Variants in POLR2F observed in about 807,000 individuals in gnomAD.
The protein encoded by POLR2F is RNA polymerase II, I and III subunit F.
A neutral mutation model predicts 22.7 loss-of-function variants in POLR2F; 12 were observed. That is an observed-to-expected ratio of 0.53 (90% CI 0.34 to 0.86). The LOEUF (loss-of-function observed/expected upper bound fraction) is 0.86, where lower values mean the gene tolerates loss of function less well. Among genes scored for constraint, POLR2F ranks in the 40% least tolerant of loss-of-function variants. The pLI is 0.02. For synonymous variants in POLR2F, 57 were observed against 66.0 expected (o/e 0.86, Z 0.66); for missense variants, 126 against 171.5 (o/e 0.73, Z 1.48).
At chr22:37,967,473 T>G (rs982526259) in intron 4 of POLR2F, 152 bp from the exon 5 acceptor site, 2 of 1,444,414 alleles carry the variant, frequency 1.4e-6, no homozygotes, top group African/African-American at 2.9e-5. Context: ...TTTCTTTTTC[T>G]TGTAATTGCT....
chr22:37,987,098 C>T, intron 1 of POLR2F: 1 of 456,722 alleles, frequency 2.2e-6, no homozygotes, highest in Non-Finnish European at 4.4e-6. Context: ...GAGGGTTTGT[C>T]ACCGTCCATG....
At chr22:38,041,219 C>T (rs907607811), downstream of POLR2F, 17 of 1,494,528 alleles carry the variant, frequency 1.1e-5, no homozygotes, top group African/African-American at 8.3e-5. Context: ...TGTGAGGACA[C>T]GGTCTAGACT....
intron 1 of POLR2F, chr22:38,025,485 C>CACATTCACACTCACAGTCCCA: frequency 1.4e-6 from 2 of 1,405,924 alleles, no homozygotes; most frequent in Non-Finnish European, 1.9e-6. Flanking sequence ...ATCACAAACA[C>CACATTCACACTCACAGTCCCA]ACATTCACAC....
chr22:38,012,670 C>T (rs2084881559), intron 1 of POLR2F, among the ~76,000 whole-genome samples: 1 of 152,170 alleles, frequency 6.6e-6, no homozygotes, highest in Non-Finnish European at 1.5e-5. Flanking sequence ...CCCAGGTCTC[C>T]CCCTAACTGT....
At position 37,978,958 on chromosome 22, in the gene POLR2F, G is replaced by C. The variant is rs1337951557; in HGVS notation, c.293+11788G>C. On this transcript the variant is annotated intron_variant, in intron 4 of 4. Transcript: ENST00000405557. This position sits in a 1 kb window ranked among gnomAD's most constrained non-coding sequence, Gnocchi z 5.0. ...CGCCCGGTTAATTTTTGTATTTTTAGTAGAGATGGGGTTTCACCATGTTGA... is the reference window on the plus strand; with the variant it reads ...CGCCCGGTTAATTTTTGTATTTTTACTAGAGATGGGGTTTCACCATGTTGA... 6.6e-6 allele frequency among the ~76,000 whole-genome samples: 1 copy of C among 152,110 alleles called. No homozygotes were observed. The highest frequency in any genetic ancestry group is 1.5e-5 in the Non-Finnish European group (1 of 68,026).
downstream of POLR2F, among the ~76,000 whole-genome samples, chr22:37,972,059 G>A (rs1466752862): frequency 6.9e-6 from 1 of 144,028 alleles, no homozygotes; most frequent in Non-Finnish European, 1.5e-5. Context: ...GAGAGTGGGA[G>A]GGGGGAGAGA....
intron 1 of POLR2F, among the ~76,000 whole-genome samples, chr22:38,002,612 G>A (rs1375014201): frequency 6.6e-6 from 1 of 152,150 alleles, no homozygotes; most frequent in Non-Finnish European, 1.5e-5. Flanking sequence ...GCTCAGCAAA[G>A]TCAGCTGTGT....
At chr22:37,991,806 C>T (rs1166955072) in intron 1 of POLR2F, among the ~76,000 whole-genome samples, 1 of 152,184 alleles carries the variant, frequency 6.6e-6, no homozygotes, top group Non-Finnish European at 1.5e-5. Flanking sequence ...GGCACTGACC[C>T]CCAGTTCCCT....
Position 37,974,324 on chromosome 22 carries a change from C to A in POLR2F, c.293+7154C>A. ...GCCTCTGGGAAAACCTTGTAAGTTTCACATTTTGGCAGCATGAGTCGGGTT... is the reference window on the plus strand; with the variant it reads ...GCCTCTGGGAAAACCTTGTAAGTTTAACATTTTGGCAGCATGAGTCGGGTT... On this transcript the variant is annotated intron_variant, in intron 4 of 4. Transcript: ENST00000405557. The surrounding 1 kb of genome is among the most constrained non-coding windows in gnomAD (Gnocchi z 5.4). 1 of 686,106 alleles carries A rather than the reference C, an allele frequency of 1.5e-6. No homozygotes were observed. Among genetic ancestry groups the A allele is most frequent in the Non-Finnish European group, 2.5e-6 (1 of 405,236 alleles). 42.5% of individuals were successfully genotyped at this position (686,106 alleles called of 1,614,324 possible).
At chr22:37,979,201 G>A (rs556440794) in intron 4 of POLR2F, among the ~76,000 whole-genome samples, 5 of 152,076 alleles carry the variant, frequency 3.3e-5, no homozygotes, top group Admixed American at 1.3e-4. Context: ...GAGTTCAAGC[G>A]ATTCTCCTGC....
At chr22:37,982,766 C>T (rs1396394707), upstream of POLR2F, among the ~76,000 whole-genome samples, 1 of 152,064 alleles carries the variant, frequency 6.6e-6, no homozygotes, top group African/African-American at 2.4e-5. Flanking sequence ...GAAGAAGCCC[C>T]CAACTCAAAG....
At chr22:37,960,188 A>G (rs1262670636) in intron 3 of POLR2F, among the ~76,000 whole-genome samples, 9 of 150,790 alleles carry the variant, frequency 6.0e-5, no homozygotes, top group Non-Finnish European at 8.8e-5. Context: ...ATCATGGCCC[A>G]TTGCAGCCTC....
At chr22:37,966,847 A>C (rs1345187150) in intron 3 of POLR2F, among the ~76,000 whole-genome samples, 2 of 152,170 alleles carry the variant, frequency 1.3e-5, no homozygotes, top group Non-Finnish European at 2.9e-5. Context: ...AGCAGTTAGA[A>C]TGGTGTGCCT....
chr22:37,959,534 A>T (rs1931541757), intron 3 of POLR2F, 58 bp downstream of exon 3: 1 of 1,568,870 alleles, frequency 6.4e-7, no homozygotes, highest in Non-Finnish European at 8.7e-7. Flanking sequence ...AAGCTCTTGT[A>T]CCGCTGATCT....
chr22:38,000,457 G>GA (rs1027230072), intron 1 of POLR2F, among the ~76,000 whole-genome samples: 7 of 152,200 alleles, frequency 4.6e-5, no homozygotes, highest in Non-Finnish European at 7.3e-5. Context: ...CTGGGGTGGG[G>GA]AGAGGACACA....
chr22:37,995,322 G>A (rs2084703037), intron 1 of POLR2F, among the ~76,000 whole-genome samples: 1 of 152,178 alleles, frequency 6.6e-6, no homozygotes, highest in African/African-American at 2.4e-5. Flanking sequence ...TCAGTGATCA[G>A]AGAGATAGCT....
chr22:37,994,575 G>A (rs2084693590), intron 1 of POLR2F, among the ~76,000 whole-genome samples: 1 of 152,166 alleles, frequency 6.6e-6, no homozygotes, highest in Admixed American at 6.5e-5. Context: ...CTGGAGTGCA[G>A]TGGAGTGATC....
chr22:37,987,185 G>A (rs1053738068), intron 1 of POLR2F: 14 of 456,498 alleles, frequency 3.1e-5, no homozygotes, highest in East Asian at 2.8e-4. Context: ...AGGGGTCTGC[G>A]GTCTGAGTGT....
intron 1 of POLR2F, among the ~76,000 whole-genome samples, chr22:38,021,602 A>C (rs1202634039): frequency 6.6e-6 from 1 of 152,032 alleles, no homozygotes; most frequent in Non-Finnish European, 1.5e-5. Flanking sequence ...GATTACAGGC[A>C]CGCGCCACCA....
Sources: allele counts gnomAD v4.1 joint callset (sites outside exome capture counted in the v4.1 genomes callset), GRCh38; gene constraint gnomAD v4.1.1; non-coding constraint Gnocchi (gnomAD v3.1); transcripts MANE v1.5; gene names NCBI Gene and HGNC (gene_info 2026-07-23, HGNC 2026-07-21).